SLC27A2: variants seen among roughly 807,000 people sequenced by gnomAD.
SLC27A2 encodes the protein long-chain fatty acid transport protein 2.
Under a neutral mutation model 60.0 loss-of-function variants are expected in SLC27A2, and 54 were observed. That is an observed-to-expected ratio of 0.90 (90% CI 0.72 to 1.13). SLC27A2 has a LOEUF of 1.13. Ranked by LOEUF, SLC27A2 falls within the 50% of genes most tolerant of loss-of-function variation. The pLI is 0.00. For missense variants in SLC27A2, 739 were observed against 777.6 expected (o/e 0.95, Z 0.59); for synonymous variants, 297 against 297.6 (o/e 1.00, Z 0.02).
chr15:50,229,945 A>C (rs115873047), intron 8 of SLC27A2, among the ~76,000 whole-genome samples: 3,132 of 152,228 alleles, frequency 0.021, 113 homozygotes, highest in African/African-American at 0.072. Context: ...TTTTTTAAAG[A>C]ATATTCAAGG....
intron 1 of SLC27A2, among the ~76,000 whole-genome samples, chr15:50,197,276 T>C (rs1038817209): frequency 1.3e-5 from 2 of 152,122 alleles, no homozygotes; most frequent in African/African-American, 2.4e-5. Flanking sequence ...AATGGGAGAA[T>C]TGCTTGAGGC....
intron 9 of SLC27A2, among the ~76,000 whole-genome samples, chr15:50,234,261 C>T (rs8043338): frequency 0.14 from 21,948 of 151,776 alleles, 1,641 homozygotes; most frequent in Middle Eastern, 0.18. Flanking sequence ...GCCTAGGCAA[C>T]GTAGTGAGAC....
intron 4 of SLC27A2, among the ~76,000 whole-genome samples, chr15:50,220,611 A>G (rs994884400): frequency 6.6e-6 from 1 of 152,154 alleles, no homozygotes; most frequent in African/African-American, 2.4e-5. Flanking sequence ...GATCTTCTTT[A>G]AGCAAAAGCA....
At chr15:50,234,294 A>C (rs1213477637) in intron 9 of SLC27A2, among the ~76,000 whole-genome samples, 1 of 152,058 alleles carries the variant, frequency 6.6e-6, no homozygotes, top group East Asian at 1.9e-4. Context: ...AAAAATGAAA[A>C]TTTTTAAAAA....
rs2045350503 is a variant in SLC27A2, at chr15:50,236,140, A to T, written c.*44A>T. On this transcript the variant is annotated 3_prime_UTR_variant, in exon 10 of 10. Coordinates refer to ENST00000267842, the MANE Select transcript of SLC27A2 (RefSeq NM_003645.4). ...CTCAACATTTCCAGAAAGAAACTGA[A>T]TGGACAGCCACTTGATATAATCCAA... The T allele has an allele frequency of 6.9e-7, 1 of 1,439,010 alleles. No homozygotes were observed. Among genetic ancestry groups the T allele is most frequent in the Non-Finnish European group, 9.4e-7 (1 of 1,066,432 alleles). 89.1% of individuals were successfully genotyped at this position (1,439,010 alleles called of 1,614,324 possible).
intron 1 of SLC27A2, among the ~76,000 whole-genome samples, chr15:50,187,872 C>T (rs1385296538): frequency 6.6e-6 from 1 of 151,810 alleles, no homozygotes; most frequent in Admixed American, 6.6e-5. Context: ...CAAGGATAAC[C>T]CTTGTCATCC....
intron 3 of SLC27A2, among the ~76,000 whole-genome samples, chr15:50,203,020 A>AAAAAT (rs369562703): frequency 1.0e-4 from 15 of 147,722 alleles, no homozygotes; most frequent in African/African-American, 3.8e-4. Context: ...CTCTAAAAAA[A>AAAAAT]ATATATATAT....
Position 50,182,610 on chromosome 15 carries a change from G to C in SLC27A2, c.183G>C (p.Glu61Asp), listed in dbSNP as rs1177916139. Residue 61 changes from glutamate (E) to aspartate (D), a missense_variant, in exon 1 of 10, where the codon GAG (glutamate) becomes GAC (aspartate). Physicochemically the swap from Glu to Asp is conservative, Grantham distance 45. Transcript: ENST00000267842. ...PARTILRAFL[E>D]KARQTPHKPF... ...GCACCATCCTGCGGGCGTTCCTGGAGAAAGCGCGCCAGACGCCACACAAGC... is the reference window on the plus strand; with the variant it reads ...GCACCATCCTGCGGGCGTTCCTGGACAAAGCGCGCCAGACGCCACACAAGC... 13 of 1,613,682 alleles carry C rather than the reference G, an allele frequency of 8.1e-6. No homozygotes were observed. Among genetic ancestry groups the C allele is most frequent in the African/African-American group, 8.0e-5 (6 of 74,934 alleles).
At chr15:50,209,717 G>A (rs751281543) in intron 4 of SLC27A2, among the ~76,000 whole-genome samples, 18 of 152,220 alleles carry the variant, frequency 1.2e-4, no homozygotes, top group South Asian at 4.1e-4. Flanking sequence ...GGCCTCTTCT[G>A]TAAAGCAAAC....
At chr15:50,210,648 C>A (rs1393068637) in intron 4 of SLC27A2, among the ~76,000 whole-genome samples, 1 of 152,188 alleles carries the variant, frequency 6.6e-6, no homozygotes, top group Non-Finnish European at 1.5e-5. Flanking sequence ...GGCCAGAACT[C>A]CAGGGAGGGT....
intron 4 of SLC27A2, among the ~76,000 whole-genome samples, chr15:50,214,049 T>C (rs1026521933): frequency 2.7e-5 from 4 of 150,644 alleles, no homozygotes; most frequent in African/African-American, 9.8e-5. Context: ...AAAGATAAAA[T>C]TGATAGACCA....
chr15:50,195,499 TAAATA>T (rs911274392), intron 1 of SLC27A2, among the ~76,000 whole-genome samples: 86 of 151,530 alleles, frequency 5.7e-4, no homozygotes, highest in African/African-American at 2.0e-3. Context: ...TCAAAATAAA[TAAATA>T]AAATAAATAA....
chr15:50,191,286 C>G (rs1438814171), intron 1 of SLC27A2, among the ~76,000 whole-genome samples: 1 of 152,136 alleles, frequency 6.6e-6, no homozygotes, highest in Non-Finnish European at 1.5e-5. Flanking sequence ...CACCCAGATC[C>G]CTGCTTTAGG....
chr15:50,225,659 A>T (rs927288413), intron 5 of SLC27A2, among the ~76,000 whole-genome samples: 3 of 152,238 alleles, frequency 2.0e-5, no homozygotes, highest in African/African-American at 7.2e-5. Context: ...GCAATAAAAA[A>T]CACCAACATG....
chr15:50,224,093 G>A (rs2045262812), intron 5 of SLC27A2, among the ~76,000 whole-genome samples: 1 of 152,162 alleles, frequency 6.6e-6, no homozygotes, highest in Non-Finnish European at 1.5e-5. Flanking sequence ...GATAACAAGA[G>A]AAAATATTGA....
intron 2 of SLC27A2, among the ~76,000 whole-genome samples, chr15:50,201,945 G>A (rs1433346905): frequency 2.0e-5 from 3 of 152,234 alleles, no homozygotes; most frequent in African/African-American, 7.2e-5. Context: ...TAGTACGTAA[G>A]AAATCTCTCT....
At chr15:50,191,744 A>G (rs1415599353) in intron 1 of SLC27A2, among the ~76,000 whole-genome samples, 1 of 152,248 alleles carries the variant, frequency 6.6e-6, no homozygotes, top group East Asian at 1.9e-4. Context: ...AAAGGTAGAT[A>G]GATATTTTAT....
At chr15:50,204,173 T>A (rs981088497) in intron 3 of SLC27A2, among the ~76,000 whole-genome samples, 1 of 152,164 alleles carries the variant, frequency 6.6e-6, no homozygotes, top group Non-Finnish European at 1.5e-5. Flanking sequence ...TTTAAAATAT[T>A]GCATGAATGG....
In SLC27A2 at chr15:50,182,605, C is replaced by T. The variant is rs2140890278; in HGVS notation, c.178C>T (p.Leu60=). The part of the protein sequence containing the change: ...RPARTILRAF[L]EKARQTPHKP... ...GGCGCGCACCATCCTGCGGGCGTTC[C>T]TGGAGAAAGCGCGCCAGACGCCACA... is the stretch of plus-strand genomic sequence containing the variant. Residue 60 remains leucine, a synonymous_variant, in exon 1 of 10, where the codon CTG becomes TTG. Coordinates refer to ENST00000267842, the MANE Select transcript of SLC27A2 (RefSeq NM_003645.4). The T allele has an allele frequency of 6.2e-7, 1 of 1,613,744 alleles. No homozygotes were observed. Among genetic ancestry groups the T allele is most frequent in the Middle Eastern group, 1.7e-4 (1 of 6,060 alleles).
Sources: gnomAD v4.1 joint callset for allele counts (sites outside exome capture counted in the v4.1 genomes callset) on GRCh38, gnomAD v4.1.1 for gene constraint, MANE v1.5 for transcripts, NCBI Gene and HGNC (gene_info 2026-07-23, HGNC 2026-07-21) for gene names.